Variants in ASAP1 observed in about 807,000 individuals in gnomAD.
ASAP1 encodes the protein ArfGAP with SH3 domain, ankyrin repeat and PH domain 1, also known as arf-GAP with SH3 domain, ANK repeat and PH domain-containing protein 1.
In ASAP1, 43 loss-of-function variants were observed where a neutral mutation model predicts 145.2. The observed-to-expected ratio is 0.30, with a 90% confidence interval of 0.23 to 0.38. The LOEUF (loss-of-function observed/expected upper bound fraction) is 0.38. Ranked by LOEUF, ASAP1 falls within the 10% of genes least tolerant of loss-of-function variation. The pLI is 1.00. For missense variants in ASAP1, 1,018 were observed against 1,355.3 expected, an observed-to-expected ratio of 0.75 and a Z score of 3.91; for synonymous variants, 546 against 515.5, an observed-to-expected ratio of 1.06 and a Z score of -0.80.
chr8:130,258,150 C>T (rs1819680014), intron 3 of ASAP1, among the ~76,000 whole-genome samples: 1 of 152,204 alleles, frequency 6.6e-6, no homozygotes, highest in Non-Finnish European at 1.5e-5. Flanking sequence ...CTCCAGCTGC[C>T]ACTGAACCAG....
chr8:130,246,304 G>A (rs1332336784), intron 3 of ASAP1, among the ~76,000 whole-genome samples: 3 of 152,030 alleles, frequency 2.0e-5, no homozygotes, highest in Non-Finnish European at 4.4e-5. Context: ...TGTACCAATG[G>A]CAGAATTCAG....
At chr8:130,084,358 A>C (rs1273916490) in intron 25 of ASAP1, 2 of 152,268 alleles carry the variant, frequency 1.3e-5, no homozygotes, top group African/African-American at 4.8e-5. Flanking sequence ...GACAATGAGC[A>C]GCAAAAATAT....
chr8:130,191,178 G>A (rs980928835), intron 5 of ASAP1, among the ~76,000 whole-genome samples: 13 of 152,054 alleles, frequency 8.5e-5, no homozygotes, highest in Non-Finnish European at 2.9e-5. Context: ...AGAGAAGAAT[G>A]GCAGGAGGGA....
chr8:130,351,131 C>G (rs1266423909), intron 3 of ASAP1, among the ~76,000 whole-genome samples: 1 of 152,238 alleles, frequency 6.6e-6, no homozygotes, highest in African/African-American at 2.4e-5. Flanking sequence ...TTCTCTCTAG[C>G]ACTAGAAACC....
chr8:130,141,577 T>C (rs944978488), intron 13 of ASAP1, among the ~76,000 whole-genome samples: 4 of 152,122 alleles, frequency 2.6e-5, no homozygotes, highest in Non-Finnish European at 5.9e-5. Context: ...TTTTTCTCAT[T>C]AAAATGTGCT....
chr8:130,240,233 T>C (rs1818442363), intron 3 of ASAP1, among the ~76,000 whole-genome samples: 1 of 152,138 alleles, frequency 6.6e-6, no homozygotes, highest in Non-Finnish European at 1.5e-5. Context: ...AAAGTTCATC[T>C]ACTTACTTTT....
In ASAP1 at chr8:130,274,195, C is replaced by T. The variant is rs549194692; in HGVS notation, c.187-37201G>A. 2.1e-3 allele frequency among the ~76,000 whole-genome samples: 321 copies of T among 152,308 alleles called. 1 individual carries two copies. The highest frequency in any genetic ancestry group is 3.7e-3 in the Non-Finnish European group (255 of 68,038). ...TTGCTTTCCCTTGGGGAAGTACCAA[C>T]TCAAAATGACAGCAAGCCTTGAAAT... is the stretch of plus-strand genomic sequence containing the variant. On this transcript the variant is annotated intron_variant, in intron 3 of 29. Coordinates refer to ENST00000518721, the MANE Select transcript of ASAP1 (RefSeq NM_018482.4).
At chr8:130,168,370 C>CGTG (rs1235366141) in intron 10 of ASAP1, among the ~76,000 whole-genome samples, 2 of 152,066 alleles carry the variant, frequency 1.3e-5, no homozygotes, top group East Asian at 3.9e-4. Context: ...AAATCAAAGG[C>CGTG]GTGGTGGCTC....
chr8:130,403,610 T>C lies in ASAP1; in HGVS notation c.-27-1640A>G, dbSNP rs563951606. 1.1e-4 allele frequency among the ~76,000 whole-genome samples: 17 copies of C among 148,062 alleles called. No individual in the cohort carries two copies. The East Asian group carries it at 3.3e-3, about 29-fold the overall frequency. On this transcript the variant is annotated intron_variant, in intron 1 of 29. Coordinates refer to ENST00000518721, the MANE Select transcript of ASAP1 (RefSeq NM_018482.4). ...ACTCGTTGCCCAGACTGGAGTGCAG[T>C]GGCGCGATCTTGGCTCATTGCAACC...
chr8:130,372,556 T>G (rs2138298129), intron 2 of ASAP1, among the ~76,000 whole-genome samples: 1 of 152,372 alleles, frequency 6.6e-6, no homozygotes. Context: ...AAGAGTGGCT[T>G]TTCTTTGGTT....
chr8:130,234,667 G>A (rs1419161498), intron 4 of ASAP1, among the ~76,000 whole-genome samples: 4 of 152,140 alleles, frequency 2.6e-5, no homozygotes, highest in African/African-American at 9.7e-5. Context: ...AATGCATCTT[G>A]AGGGGGAACA....
intron 5 of ASAP1, chr8:130,208,641 T>C (rs1816383610): frequency 6.6e-6 from 1 of 152,218 alleles, no homozygotes; most frequent in Non-Finnish European, 1.5e-5. Flanking sequence ...TGGGTCATCT[T>C]CGATCATCTT....
intron 5 of ASAP1, among the ~76,000 whole-genome samples, chr8:130,205,591 CT>C (rs10679649): frequency 1.4e-3 from 164 of 119,218 alleles, no homozygotes; most frequent in African/African-American, 1.6e-3. Context: ...AAATACACGG[CT>C]TTTTTTTTTT....
intron 5 of ASAP1, among the ~76,000 whole-genome samples, chr8:130,190,665 GCATCACTACGTCCGGCC>G (rs1421723563): frequency 6.6e-6 from 1 of 152,138 alleles, no homozygotes; most frequent in Non-Finnish European, 1.5e-5. Flanking sequence ...TCACAGGCAT[GCATCACTACGTCCGGCC>G]AATTCTTGTA....
At chr8:130,400,740 G>A (rs1472015650) in intron 2 of ASAP1, among the ~76,000 whole-genome samples, 1 of 147,418 alleles carries the variant, frequency 6.8e-6, no homozygotes, top group Admixed American at 6.8e-5. Flanking sequence ...GCAGTGAGCC[G>A]AGATAGCGCC....
intron 24 of ASAP1, among the ~76,000 whole-genome samples, chr8:130,108,342 A>C (rs959161481): frequency 1.8e-4 from 28 of 152,222 alleles, no homozygotes; most frequent in Non-Finnish European, 1.5e-5. Context: ...TGTAATTAGC[A>C]TATCAGGTGT....
rs2097398623 is a variant in ASAP1 at position 130,054,139 on chromosome 8, TAA to T, written c.*590_*591del. 6.5e-6 allele frequency: 1 copy of T among 153,342 alleles called. No individual in the cohort carries two copies. Among genetic ancestry groups the T allele is most frequent in the South Asian group, 2.1e-4 (1 of 4,866 alleles). 9.5% of individuals were successfully genotyped at this position (153,342 alleles called of 1,614,324 possible). On this transcript the variant is annotated 3_prime_UTR_variant, in exon 30 of 30. Transcript: ENST00000518721. ...AGGCTGTGTGCATTGTAAAATGCCA[TAA>T]AGAGTTTTGGGTCAGTGAATATTTT...
chr8:130,139,005 T>A (rs181379557), intron 13 of ASAP1, among the ~76,000 whole-genome samples: 10 of 152,306 alleles, frequency 6.6e-5, no homozygotes, highest in African/African-American at 1.7e-4. Flanking sequence ...CTTTCTCATA[T>A]AAATGACAAT....
At chr8:130,242,301 T>A (rs1232398015) in intron 3 of ASAP1, among the ~76,000 whole-genome samples, 1 of 149,942 alleles carries the variant, frequency 6.7e-6, no homozygotes, top group East Asian at 2.0e-4. Context: ...TTTTTTTTTT[T>A]AACTCACTTG....
Sources: gnomAD v4.1 joint callset for allele counts (sites outside exome capture counted in the v4.1 genomes callset) on GRCh38, gnomAD v4.1.1 for gene constraint, MANE v1.5 for transcripts, NCBI Gene and HGNC (gene_info 2026-07-23, HGNC 2026-07-21) for gene names.